The following HHIPL2 variants were observed in gnomAD, a reference collection of about 807,000 sequenced individuals.
The protein encoded by HHIPL2 is HHIP-like protein 2.
In HHIPL2, 61 loss-of-function variants were observed where a neutral mutation model predicts 61.0. That is an observed-to-expected ratio of 1.00 (90% confidence interval 0.81 to 1.24). The LOEUF (loss-of-function observed/expected upper bound fraction) is 1.24, where lower values mean the gene tolerates loss of function less well. HHIPL2 is among the 50% of genes most tolerant of loss of function. The probability of loss-of-function intolerance (pLI) is 0.00; values close to 1 mark genes in which losing one functional copy is unlikely to be tolerated. For synonymous variants in HHIPL2, 343 were observed against 357.4 expected (o/e 0.96, Z 0.45); for missense variants, 885 against 910.2 (o/e 0.97, Z 0.36).
intron 5 of HHIPL2, among the ~76,000 whole-genome samples, chr1:222,536,884 T>C (rs1659311354): frequency 6.7e-6 from 1 of 149,296 alleles, no homozygotes; most frequent in Non-Finnish European, 1.5e-5. Context: ...ACTCCATCTC[T>C]ACAAAAAAAA....
In HHIPL2 at chr1:222,548,018, C is replaced by A. The variant is rs945678798; in HGVS notation, c.27G>T (p.Leu9=). ...GGGCCCGGCAATGCAGACCACCACA[C>A]AGATTAGGAGTGGACGTTCTCAGCA... MLRTSTPN[L]CGGLHCRAPW... is the part of the protein sequence containing the mutation. The change falls in exon 1 of 9, where the codon CTG becomes CTT. Residue 9 remains leucine (L), a synonymous_variant. Transcript: ENST00000343410. 22 of 1,591,704 alleles carry A rather than the reference C, an allele frequency of 1.4e-5. No homozygotes were observed. Among genetic ancestry groups the A allele is most frequent in the Non-Finnish European group, 1.8e-5 (21 of 1,168,042 alleles).
In HHIPL2 at chr1:222,543,651, C is replaced by G. The variant is rs148477475; in HGVS notation, c.860G>C (p.Arg287Pro). ...LAFHPKFRHN[R>P]KFYIYYSCLD... is the part of the protein sequence containing the mutation. ...GCACGAATAATAAATATAGAACTTG[C>G]GATTGTGGCGGAATTTGGGGTGAAA... The change falls in exon 2 of 9, where the codon CGC becomes CCC. Residue 287 changes from arginine (R) to proline (P), a missense_variant. By Grantham distance (103) the Arg-to-Pro change is moderately radical (BLOSUM62 -2). Coordinates refer to ENST00000343410, the MANE Select transcript of HHIPL2 (RefSeq NM_024746.4). 145 of 1,614,092 alleles carry G rather than the reference C, an allele frequency of 9.0e-5. 1 individual carries two copies. The African/African-American group carries it at 1.7e-3, about 19-fold the overall frequency.
chr1:222,544,480 A>G (rs933038703), intron 1 of HHIPL2, among the ~76,000 whole-genome samples: 8 of 152,186 alleles, frequency 5.3e-5, no homozygotes, highest in African/African-American at 1.7e-4. Flanking sequence ...TATTTTTTCA[A>G]AAAGATATTA....
At position 222,543,917 on chromosome 1, in the gene HHIPL2, G is replaced by A. The variant is rs770299119; in HGVS notation, c.594C>T (p.Ala198=). The A allele has an allele frequency of 3.1e-6, 5 of 1,614,176 alleles. No homozygotes were observed. Among genetic ancestry groups the A allele is most frequent in the Non-Finnish European group, 4.2e-6 (5 of 1,180,028 alleles). The change falls in exon 2 of 9, where the codon GCC becomes GCT. Residue 198 remains alanine (A), a synonymous_variant. Transcript: ENST00000343410. The part of the protein sequence containing the change: ...DYLNRHLGMV[A]QDPQGCLQLC... ...GCTGCAGGCAGCCCTGAGGATCTTG[G>A]GCCACCATGCCCAGGTGGCGGTTGA...
At position 222,522,728 on chromosome 1, in the gene HHIPL2, C is replaced by T. The variant is rs948458798; in HGVS notation, c.2048G>A (p.Gly683Asp). Reference sequence around the variant, plus strand: ...CCCCACTCTGGCTTTCTTCTTTGTACCAGGCCCTCGCAATGTATTCTTGCT... The same window carrying T: ...CCCCACTCTGGCTTTCTTCTTTGTATCAGGCCCTCGCAATGTATTCTTGCT... ...TSSKNTLRGPGTKKKARVGPH... is the reference protein window; with the variant it reads ...TSSKNTLRGPDTKKKARVGPH... The change falls in exon 9 of 9, where the codon GGT (glycine) becomes GAT (aspartate). Residue 683 changes from glycine (G) to aspartate (D), a missense_variant. Physicochemically the swap from Gly to Asp is moderately conservative, Grantham distance 94 (BLOSUM62 -1). Transcript: ENST00000343410. 1.9e-6 allele frequency: 3 copies of T among 1,614,134 alleles called. No individual in the cohort carries two copies. Among genetic ancestry groups the T allele is most frequent in the Admixed American group, 3.3e-5 (2 of 60,022 alleles).
At position 222,545,177 on chromosome 1, in the gene HHIPL2, G is replaced by T. The variant is rs373607977; in HGVS notation, c.322-988C>A. 1.2e-4 allele frequency among the ~76,000 whole-genome samples: 18 copies of T among 152,296 alleles called. No individual in the cohort carries two copies. The East Asian group carries it at 3.5e-3, about 29-fold the overall frequency. On this transcript the variant is annotated intron_variant, in intron 1 of 8. Coordinates refer to ENST00000343410, the MANE Select transcript of HHIPL2 (RefSeq NM_024746.4). ...AAGAAAGCCCAATTCAAAGGGTGTCGTTTGGAGCCGTGCATTAGAGCAGAG... is the reference window on the plus strand; with the variant it reads ...AAGAAAGCCCAATTCAAAGGGTGTCTTTTGGAGCCGTGCATTAGAGCAGAG...
chr1:222,530,603 A>T (rs1274469380), intron 6 of HHIPL2, among the ~76,000 whole-genome samples: 1 of 152,204 alleles, frequency 6.6e-6, no homozygotes, highest in East Asian at 1.9e-4. Flanking sequence ...CCGGGAGCTG[A>T]CTGGGTCTCT....
rs530945933 is a variant in HHIPL2, at chr1:222,528,689, A to G, written c.1724-1639T>C. Among the ~76,000 whole-genome samples the G allele has an allele frequency of 2.6e-5, 4 of 152,298 alleles. No individual in the cohort carries two copies. In the South Asian group the frequency reaches 8.3e-4, roughly 32 times the overall value. ...TCTGACCCAATGTTTGTGCCATTAC[A>G]CTGAATTAAACTCACTTGCTGTCAT... On this transcript the variant is annotated intron_variant, in intron 6 of 8. Coordinates refer to ENST00000343410, the MANE Select transcript of HHIPL2 (RefSeq NM_024746.4).
intron 7 of HHIPL2, among the ~76,000 whole-genome samples, chr1:222,525,814 C>G (rs548009062): frequency 2.0e-5 from 3 of 151,918 alleles, no homozygotes; most frequent in Non-Finnish European, 4.4e-5. Context: ...GCCTGGGCAA[C>G]ATGGCAAAAC....
At chr1:222,534,759 T>G (rs996496875) in intron 5 of HHIPL2, among the ~76,000 whole-genome samples, 4 of 151,458 alleles carry the variant, frequency 2.6e-5, no homozygotes, top group African/African-American at 9.7e-5. Context: ...GACATAGCAA[T>G]GGAAACTACC....
chr1:222,541,990 G>C, intron 3 of HHIPL2, 22 bp downstream of exon 3: 1 of 1,591,556 alleles, frequency 6.3e-7, no homozygotes, highest in Non-Finnish European at 8.5e-7. Context: ...AGGGACAAGG[G>C]CCCGGCCCCC....
intron 7 of HHIPL2, 35 bp from the exon 8 acceptor site, chr1:222,523,729 ACT>A (rs757004183): frequency 3.7e-6 from 6 of 1,603,916 alleles, no homozygotes; most frequent in Admixed American, 1.7e-5. Context: ...AGGACGCAAG[ACT>A]CTGAAGATGC....
chr1:222,538,481 T>C (rs1338623314), intron 5 of HHIPL2, among the ~76,000 whole-genome samples, 167 bp downstream of exon 5: 1 of 151,118 alleles, frequency 6.6e-6, no homozygotes, highest in Non-Finnish European at 1.5e-5. Flanking sequence ...TCTAGGGTGA[T>C]GGAAGTGTTC....
rs1340733157 is a variant in HHIPL2 at position 222,541,877 on chromosome 1, A to T, written c.1118+135T>A. Reference sequence around the variant, plus strand: ...CTGAAATTTATGGAACAGAAAACCAAATGTTCCTCCCATTGCCTCAGTGGA... The same window carrying T: ...CTGAAATTTATGGAACAGAAAACCATATGTTCCTCCCATTGCCTCAGTGGA... On this transcript the variant is annotated intron_variant, in intron 3 of 8. Coordinates refer to ENST00000343410, the MANE Select transcript of HHIPL2 (RefSeq NM_024746.4). 3.5e-6 allele frequency: 3 copies of T among 865,072 alleles called. No individual in the cohort carries two copies. The Admixed American group carries it at 9.6e-5, about 28-fold the overall frequency. 53.6% of individuals were successfully genotyped at this position (865,072 alleles called of 1,614,324 possible).
At chr1:222,533,439 G>C (rs564986778) in intron 5 of HHIPL2, among the ~76,000 whole-genome samples, 1 of 152,032 alleles carries the variant, frequency 6.6e-6, no homozygotes, top group Non-Finnish European at 1.5e-5. Context: ...TGTGTATGGG[G>C]GCAGGGTGGT....
In HHIPL2 at chr1:222,523,607, C is replaced by T; in HGVS notation, c.1888+5G>A. ...CCTGAGCCTAAGACTCAAAGATGGACTCACTGGCGAGTGGTCTGAACGGGA... is the reference window on the plus strand; with the variant it reads ...CCTGAGCCTAAGACTCAAAGATGGATTCACTGGCGAGTGGTCTGAACGGGA... On this transcript the variant is annotated splice_donor_5th_base_variant and intron_variant, in intron 8 of 8. Coordinates refer to ENST00000343410, the MANE Select transcript of HHIPL2 (RefSeq NM_024746.4). 1 of 1,614,006 alleles carries T rather than the reference C, an allele frequency of 6.2e-7. No individual in the cohort carries two copies. Among genetic ancestry groups the T allele is most frequent in the South Asian group, 1.1e-5 (1 of 91,080 alleles).
chr1:222,528,328 C>G, intron 6 of HHIPL2, among the ~76,000 whole-genome samples: 2 of 152,262 alleles, frequency 1.3e-5, no homozygotes, highest in East Asian at 3.9e-4. Flanking sequence ...ATAACCAGGC[C>G]GGGCGCGGTA....
intron 1 of HHIPL2, among the ~76,000 whole-genome samples, chr1:222,547,006 C>G (rs143803472): frequency 1.3e-5 from 2 of 152,358 alleles, no homozygotes; most frequent in Non-Finnish European, 2.9e-5. Context: ...ATGCTGACCT[C>G]TCCCCATTAA....
At chr1:222,532,197 G>A in intron 5 of HHIPL2, 86 bp from the exon 6 acceptor site, 2 of 1,263,014 alleles carry the variant, frequency 1.6e-6, no homozygotes, top group Non-Finnish European at 2.2e-6. Context: ...AGATCCCTGA[G>A]TACTAGGACT....
Sources: gnomAD v4.1 joint callset for allele counts (sites outside exome capture counted in the v4.1 genomes callset) on GRCh38, gnomAD v4.1.1 for gene constraint, MANE v1.5 for transcripts, NCBI Gene and HGNC (gene_info 2026-07-23, HGNC 2026-07-21) for gene names.